The following FANCA variants were observed in gnomAD, a reference collection of about 807,000 sequenced individuals.
The protein encoded by FANCA is Fanconi anemia group A protein.
Under a neutral mutation model 194.3 loss-of-function variants are expected in FANCA, and 236 were observed. The observed-to-expected ratio is 1.21, with a 90% CI of 1.09 to 1.35. FANCA has a LOEUF of 1.35. Ranked by LOEUF, FANCA falls within the 40% of genes most tolerant of loss-of-function variation. FANCA has a pLI of 0.00. For missense variants in FANCA, 2,628 were observed against 1,813.9 expected (o/e 1.45, Z -8.15); for synonymous variants, 1,014 against 715.8 (o/e 1.42, Z -6.65).
At chr16:89,773,481 C>T in intron 21 of FANCA, 97 bp from the exon 22 acceptor site, 1 of 903,762 alleles carries the variant, frequency 1.1e-6, no homozygotes, top group Non-Finnish European at 1.8e-6. Context: ...GAGCTGTGAA[C>T]TTCCAAGCTG....
chr16:89,805,469 C>A, intron 6 of FANCA, 77 bp from the exon 7 acceptor site: 1 of 1,212,684 alleles, frequency 8.2e-7, no homozygotes, highest in South Asian at 1.3e-5. Flanking sequence ...CCATATGTCC[C>A]AATTTTTTTT....
intron 32 of FANCA, among the ~76,000 whole-genome samples, chr16:89,749,041 T>G (rs1451401121): frequency 6.6e-6 from 1 of 152,202 alleles, no homozygotes; most frequent in African/African-American, 2.4e-5. Flanking sequence ...AGTTACACGA[T>G]AACCAAGTGG....
In FANCA at chr16:89,753,465, T is replaced by C. The variant is rs149132770; in HGVS notation, c.2982-1243A>G. Among the ~76,000 whole-genome samples the C allele has an allele frequency of 2.0e-3, 307 of 152,310 alleles. 2 individuals are homozygous for C. The Middle Eastern group carries it at 0.024, about 12-fold the overall frequency. On this transcript the variant is annotated intron_variant, in intron 30 of 42. Coordinates refer to ENST00000389301, the MANE Select transcript of FANCA (RefSeq NM_000135.4). ...TCCGGGGCTGGTCCCTACACAAGGATAGCTTAAGATCCCCAAACCAATATA... is the reference window on the plus strand; with the variant it reads ...TCCGGGGCTGGTCCCTACACAAGGACAGCTTAAGATCCCCAAACCAATATA...
Position 89,752,200 on chromosome 16 carries a change from C to T in FANCA, c.3004G>A (p.Glu1002Lys), listed in dbSNP as rs778844052. The T allele has an allele frequency of 6.2e-7, 1 of 1,614,098 alleles. No homozygotes were observed. The highest frequency in any genetic ancestry group is 1.1e-5 in the South Asian group (1 of 91,080). The change falls in exon 31 of 43, where the codon GAA becomes AAA. Residue 1002 changes from glutamate to lysine, a missense_variant. Coordinates refer to ENST00000389301, the MANE Select transcript of FANCA (RefSeq NM_000135.4). ...HQSSRSYDHS[E>K]NSDLVFGGRT... ...CCACCAAAGACCAAATCAGAATTTT[C>T]TGAGTGGTCATAACTCCTTGAGCTG...
At chr16:89,789,436 CTTTTT>C (rs532159256) in intron 14 of FANCA, among the ~76,000 whole-genome samples, 2 of 102,558 alleles carry the variant, frequency 2.0e-5, no homozygotes, top group African/African-American at 8.8e-5. Flanking sequence ...AAACTCAATA[CTTTTT>C]TTTTTTTTTT....
intron 37 of FANCA, 43 bp from the exon 38 acceptor site, chr16:89,740,909 T>C: frequency 6.6e-7 from 1 of 1,523,532 alleles, no homozygotes; most frequent in Non-Finnish European, 9.0e-7. Flanking sequence ...TAAAATTACC[T>C]GTGCTGTCAT....
intron 20 of FANCA, among the ~76,000 whole-genome samples, chr16:89,776,159 C>CTTTTT (rs3069458): frequency 7.5e-5 from 7 of 93,276 alleles, no homozygotes; most frequent in Non-Finnish European, 1.1e-4. Context: ...CTTTGTTTTT[C>CTTTTT]TTTTTTTTTT....
At chr16:89,798,926 G>T in intron 10 of FANCA, 2 of 1,605,360 alleles carry the variant, frequency 1.2e-6, no homozygotes, top group Non-Finnish European at 1.7e-6. Flanking sequence ...TCCAGAGGCG[G>T]AACAGGATAC....
intron 22 of FANCA, among the ~76,000 whole-genome samples, chr16:89,772,969 T>C (rs1280769914): frequency 6.6e-6 from 1 of 152,120 alleles, no homozygotes; most frequent in Non-Finnish European, 1.5e-5. Context: ...GCAGGCAGGA[T>C]GAGCGGGAAA....
At chr16:89,767,300 T>A in intron 26 of FANCA, 63 bp from the exon 27 acceptor site, 4 of 1,178,376 alleles carry the variant, frequency 3.4e-6, no homozygotes, top group Non-Finnish European at 5.0e-6. Context: ...AAGGAAAAAG[T>A]TACTTTGAAT....
chr16:89,778,485 A>C (rs982677518), intron 20 of FANCA: 1 of 305,982 alleles, frequency 3.3e-6, no homozygotes, highest in Admixed American at 5.3e-5. Context: ...AAAAAAAAAA[A>C]CTTAGCCAGG....
intron 21 of FANCA, among the ~76,000 whole-genome samples, chr16:89,775,131 T>G (rs1175831224): frequency 6.6e-6 from 1 of 151,042 alleles, no homozygotes. Flanking sequence ...CTCAGATCTA[T>G]GTCTTCAGCT....
chr16:89,766,947 G>A lies in FANCA; in HGVS notation c.2601+194C>T, dbSNP rs191378298. On this transcript the variant is annotated intron_variant, in intron 27 of 42. Coordinates refer to ENST00000389301, the MANE Select transcript of FANCA (RefSeq NM_000135.4). The stretch of plus-strand genomic sequence containing the variant: ...AGGAAAGGCAGCACTCAGCAGTCAG[G>A]CTGCCTAAGCAGACAGCAGAGGTGG... Among the ~76,000 whole-genome samples the A allele has an allele frequency of 7.7e-3, 1,178 of 152,076 alleles. 19 individuals are homozygous for A. Among genetic ancestry groups the A allele is most frequent in the Admixed American group, 0.015 (231 of 15,286 alleles).
chr16:89,791,879 C>G (rs74033876), intron 13 of FANCA, 48 bp downstream of exon 13: 131 of 1,612,374 alleles, frequency 8.1e-5, no homozygotes, highest in Non-Finnish European at 9.8e-5. Flanking sequence ...CTGACACCCC[C>G]CTACACACAC....
chr16:89,809,027 T>TC (rs1555573714), intron 5 of FANCA, among the ~76,000 whole-genome samples: 1 of 151,920 alleles, frequency 6.6e-6, no homozygotes, highest in Non-Finnish European at 1.5e-5. Flanking sequence ...TGCCTCAGCC[T>TC]CCTGAGTAGC....
chr16:89,746,991 G>C (rs953172203), intron 33 of FANCA, 101 bp from the exon 34 acceptor site: 1 of 1,160,090 alleles, frequency 8.6e-7, no homozygotes, highest in African/African-American at 1.5e-5. Context: ...AAAAACACTC[G>C]CTAAGGCTTG....
rs1224981781 is a variant in FANCA, at chr16:89,759,318, T to TTAAAAAAAAAAAAAAAAAAAAA, written c.2853-614_2853-613insTTTTTTTTTTTTTTTTTTTTTA. On this transcript the variant is annotated intron_variant, in intron 29 of 42. Coordinates refer to ENST00000389301, the MANE Select transcript of FANCA (RefSeq NM_000135.4). ...TTGGGCAACAGAGCGAGACTCCGTC[T>TTAAAAAAAAAAAAAAAAAAAAA]AAAAAAAAAAAAAAAAAAAAAAAAA... Among the ~76,000 whole-genome samples, 39 of 75,206 alleles carry TTAAAAAAAAAAAAAAAAAAAAA rather than the reference T, an allele frequency of 5.2e-4. 12 individuals carry two copies. Among genetic ancestry groups the TTAAAAAAAAAAAAAAAAAAAAA allele is most frequent in the African/African-American group, 1.2e-3 (23 of 19,548 alleles). 49.3% of individuals were successfully genotyped at this position (75,206 alleles called of 152,430 possible).
At chr16:89,763,257 AAT>A (rs1245466480) in intron 28 of FANCA, among the ~76,000 whole-genome samples, 1 of 150,620 alleles carries the variant, frequency 6.6e-6, no homozygotes, top group African/African-American at 2.4e-5. Context: ...CAAAAAAAAA[AAT>A]AATAATTTAA....
chr16:89,795,283 C>CCAAT (rs1374980369), intron 11 of FANCA, among the ~76,000 whole-genome samples: 1 of 98,432 alleles, frequency 1.0e-5, no homozygotes, highest in Non-Finnish European at 1.9e-5. Flanking sequence ...GACTCCATCT[C>CCAAT]CAATAAATAA....
Sources: gnomAD v4.1 joint callset for allele counts (sites outside exome capture counted in the v4.1 genomes callset) on GRCh38, gnomAD v4.1.1 for gene constraint, MANE v1.5 for transcripts, NCBI Gene and HGNC (gene_info 2026-07-23, HGNC 2026-07-21) for gene names.